Variants in GRM1 observed in about 807,000 individuals in gnomAD.
GRM1 encodes glutamate metabotropic receptor 1.
GRM1 carries 33 observed loss-of-function variants against 90.9 expected under a neutral mutation model. The ratio of observed to expected loss-of-function variants is 0.36; its 90% CI spans 0.28 to 0.49. GRM1 has a LOEUF of 0.49. Ranked by LOEUF, GRM1 falls within the 20% of genes least tolerant of loss-of-function variation. The pLI, the probability that GRM1 is intolerant of heterozygous loss-of-function variation, is 0.99. For synonymous variants in GRM1, 700 were observed against 613.2 expected, an observed-to-expected ratio of 1.14 and a Z score of -2.09; for missense variants, 1,190 against 1,534.3, an observed-to-expected ratio of 0.78 and a Z score of 3.75.
intron 1 of GRM1, among the ~76,000 whole-genome samples, chr6:146,035,070 G>A (rs376003199): frequency 6.6e-6 from 1 of 151,874 alleles, no homozygotes; most frequent in East Asian, 1.9e-4. Flanking sequence ...CTGGAGAAAA[G>A]GGAATTTTGG....
chr6:146,119,609 A>G (rs1351078727), intron 1 of GRM1, among the ~76,000 whole-genome samples: 3 of 152,152 alleles, frequency 2.0e-5, no homozygotes, highest in Non-Finnish European at 4.4e-5. Context: ...TCTTGAATTA[A>G]TTTTTGTCTA....
chr6:146,159,629 T>A (rs1562499793), intron 2 of GRM1, 32 bp downstream of exon 2: 2 of 1,516,412 alleles, frequency 1.3e-6, no homozygotes, highest in East Asian at 2.3e-5. Context: ...TCTCTCTCTC[T>A]CTCTCTCTCT....
At chr6:146,216,165 A>G (rs1038444791) in intron 2 of GRM1, among the ~76,000 whole-genome samples, 5 of 152,214 alleles carry the variant, frequency 3.3e-5, no homozygotes, top group African/African-American at 1.2e-4. Flanking sequence ...ATATGTATGT[A>G]TCAGACTCTA....
At chr6:146,076,588 G>A (rs1203383189) in intron 1 of GRM1, among the ~76,000 whole-genome samples, 2 of 152,138 alleles carry the variant, frequency 1.3e-5, no homozygotes, top group Non-Finnish European at 2.9e-5. Context: ...ATGAGTAACC[G>A]GAAGGATGGA....
chr6:146,418,110 A>G (rs1164821716), intron 7 of GRM1, among the ~76,000 whole-genome samples: 2 of 152,160 alleles, frequency 1.3e-5, no homozygotes, highest in African/African-American at 4.8e-5. Context: ...GAAGTAAGAA[A>G]AGCTTCAGTA....
intron 2 of GRM1, among the ~76,000 whole-genome samples, chr6:146,176,158 A>G (rs182983958): frequency 6.5e-4 from 99 of 152,204 alleles, no homozygotes; most frequent in African/African-American, 2.3e-3. Context: ...CCAGTTCAGT[A>G]CCTGATACAC....
Position 146,288,575 on chromosome 6 carries a change from G to A in GRM1, c.951-16036G>A, listed in dbSNP as rs147550154. On this transcript the variant is annotated intron_variant, in intron 2 of 7. Transcript: ENST00000282753. ...GACTGGAGCGCAAAGGTGCGATCTC[G>A]GCTCACTGCAACCTCCGCCTCCTGG... 2.1e-3 allele frequency among the ~76,000 whole-genome samples: 327 copies of A among 152,142 alleles called. 1 individual carries two copies. The highest frequency in any genetic ancestry group is 7.5e-3 in the African/African-American group (313 of 41,510).
chr6:146,434,290 C>T lies in GRM1; in HGVS notation c.3079C>T (p.Gln1027Ter), dbSNP rs1335731162. Residue 1027 changes from glutamine to a stop codon, truncating the protein, a stop_gained, in exon 8 of 8, where the codon CAG (glutamine) becomes TAG (stop). Coordinates refer to ENST00000282753, the MANE Select transcript of GRM1 (RefSeq NM_001278064.2). LOFTEE classifies it high-confidence loss of function. The part of the protein sequence containing the change: ...LQQQQQPPPQ[Q>*]KSLMDQLQGV... ...GCAGCAGCAGCAACCCCCTCCACAG[C>T]AGAAATCGCTGATGGACCAGCTCCA... The T allele has an allele frequency of 1.2e-6, 2 of 1,603,064 alleles. No homozygotes were observed. The highest frequency in any genetic ancestry group is 2.2e-5 in the East Asian group (1 of 44,624).
chr6:146,152,615 G>C (rs1329181032), intron 1 of GRM1, among the ~76,000 whole-genome samples: 1 of 152,028 alleles, frequency 6.6e-6, no homozygotes, highest in Admixed American at 6.6e-5. Flanking sequence ...TTGTAAAAGA[G>C]GGGTTATAAC....
intron 2 of GRM1, among the ~76,000 whole-genome samples, chr6:146,283,056 A>G (rs1284453018): frequency 6.6e-6 from 1 of 152,168 alleles, no homozygotes; most frequent in East Asian, 1.9e-4. Flanking sequence ...CACCACAAAT[A>G]GAGCTTCCCT....
At chr6:146,134,527 A>G (rs970021096) in intron 1 of GRM1, among the ~76,000 whole-genome samples, 8 of 152,284 alleles carry the variant, frequency 5.3e-5, no homozygotes, top group South Asian at 2.1e-4. Context: ...GCAGAAGAGG[A>G]AGCAAACATG....
intron 7 of GRM1, among the ~76,000 whole-genome samples, chr6:146,409,298 T>C (rs1004078784): frequency 2.6e-5 from 4 of 152,244 alleles, no homozygotes; most frequent in Admixed American, 1.3e-4. Context: ...TAGGTCCAGA[T>C]ACCCAAAGAG....
intron 6 of GRM1, among the ~76,000 whole-genome samples, chr6:146,388,986 C>T (rs1776610627): frequency 6.6e-6 from 1 of 152,078 alleles, no homozygotes; most frequent in African/African-American, 2.4e-5. Flanking sequence ...TGGTTGCATG[C>T]AATGGCCTGG....
At chr6:146,068,104 C>G (rs1171209230) in intron 1 of GRM1, among the ~76,000 whole-genome samples, 1 of 149,832 alleles carries the variant, frequency 6.7e-6, no homozygotes, top group Non-Finnish European at 1.5e-5. Context: ...TATCATTGAA[C>G]CTTCAAATAA....
chr6:146,287,167 C>T (rs565247476), intron 2 of GRM1, among the ~76,000 whole-genome samples: 5 of 152,194 alleles, frequency 3.3e-5, no homozygotes, highest in East Asian at 3.9e-4. Flanking sequence ...TTCTTTGTAA[C>T]GGAAAGAGGA....
intron 1 of GRM1, among the ~76,000 whole-genome samples, chr6:146,064,278 G>T (rs966725430): frequency 2.0e-5 from 3 of 152,154 alleles, no homozygotes; most frequent in African/African-American, 7.2e-5. Context: ...TGTAAGGATT[G>T]CAGCTGTGTA....
At chr6:146,050,791 A>T (rs978016083) in intron 1 of GRM1, among the ~76,000 whole-genome samples, 1 of 152,052 alleles carries the variant, frequency 6.6e-6, no homozygotes, top group East Asian at 1.9e-4. Flanking sequence ...GCATATGCCT[A>T]TGAGATTCCT....
chr6:146,265,646 A>G (rs1368583446), intron 2 of GRM1, among the ~76,000 whole-genome samples: 2 of 152,084 alleles, frequency 1.3e-5, no homozygotes, highest in Non-Finnish European at 2.9e-5. Context: ...TTCTTGTAGC[A>G]TTTTCATAGC....
At chr6:146,343,699 C>T (rs1213621429) in intron 3 of GRM1, among the ~76,000 whole-genome samples, 1 of 139,356 alleles carries the variant, frequency 7.2e-6, no homozygotes, top group African/African-American at 3.1e-5. Context: ...TGGAGTCTTT[C>T]TCTGTTGCCC....
Sources: gnomAD v4.1 joint callset for allele counts (sites outside exome capture counted in the v4.1 genomes callset) on GRCh38, gnomAD v4.1.1 for gene constraint, MANE v1.5 for transcripts, NCBI Gene and HGNC (gene_info 2026-07-23, HGNC 2026-07-21) for gene names.